The following STIM2 variants were observed in gnomAD, a reference collection of about 807,000 sequenced individuals.
The protein encoded by STIM2 is stromal interaction molecule 2.
Under a neutral mutation model 85.8 loss-of-function variants are expected in STIM2, and 31 were observed. That is an observed-to-expected ratio of 0.36 (90% CI 0.27 to 0.49). STIM2 has a LOEUF of 0.49. Ranked by LOEUF, STIM2 falls within the 20% of genes least tolerant of loss-of-function variation. The probability of loss-of-function intolerance (pLI) is 0.98; values close to 1 mark genes in which losing one functional copy is unlikely to be tolerated. For missense variants in STIM2, 841 were observed against 927.6 expected (o/e 0.91, Z 1.21); for synonymous variants, 356 against 331.1 (o/e 1.08, Z -0.82).
At chr4:26,870,284 GTTC>G in intron 1 of STIM2, among the ~76,000 whole-genome samples, 1 of 145,482 alleles carries the variant, frequency 6.9e-6, no homozygotes, top group East Asian at 2.0e-4. Context: ...GACCTTAAAA[GTTC>G]TTAACACACC....
intron 3 of STIM2, among the ~76,000 whole-genome samples, chr4:26,978,196 A>G (rs1727264010): frequency 6.6e-6 from 1 of 151,078 alleles, no homozygotes; most frequent in South Asian, 2.1e-4. Context: ...TAATGTTGTG[A>G]ATAATTTTTT....
chr4:26,979,278 T>C (rs186104654), intron 3 of STIM2, among the ~76,000 whole-genome samples: 2 of 152,168 alleles, frequency 1.3e-5, no homozygotes, highest in Non-Finnish European at 2.9e-5. Context: ...GAAAAGTGAA[T>C]TTGAGGCAGC....
At chr4:26,943,975 A>G (rs978039305) in intron 2 of STIM2, among the ~76,000 whole-genome samples, 3 of 152,298 alleles carry the variant, frequency 2.0e-5, no homozygotes, top group Non-Finnish European at 2.9e-5. Flanking sequence ...GTTTATAGAC[A>G]TATCCCTCTA....
intron 1 of STIM2, among the ~76,000 whole-genome samples, chr4:26,908,081 A>AG (rs1483612177): frequency 2.6e-5 from 4 of 152,136 alleles, no homozygotes; most frequent in African/African-American, 9.6e-5. Context: ...ATAATTGTTC[A>AG]AAAAAAATCC....
rs185517579 is a variant in STIM2 at position 26,898,283 on chromosome 4, G to A, written c.152-21221G>A. ...AACTGATAGTAAGATTTAGCAGCTT[G>A]GTTAGATTTGGTCTTAAGTTTTTAG... On this transcript the variant is annotated intron_variant, in intron 1 of 11. Coordinates refer to ENST00000467087, the MANE Select transcript of STIM2 (RefSeq NM_020860.4). Among the ~76,000 whole-genome samples the A allele has an allele frequency of 6.2e-3, 950 of 152,216 alleles. 4 individuals carry two copies. The highest frequency in any genetic ancestry group is 9.5e-3 in the Non-Finnish European group (648 of 67,996).
chr4:27,010,510 A>T (rs1252702423), intron 10 of STIM2, among the ~76,000 whole-genome samples: 1 of 152,206 alleles, frequency 6.6e-6, no homozygotes, highest in African/African-American at 2.4e-5. Context: ...CATGTCAAAG[A>T]TTACAATTTG....
chr4:26,872,680 T>C (rs1382825890), intron 1 of STIM2, among the ~76,000 whole-genome samples: 1 of 152,222 alleles, frequency 6.6e-6, no homozygotes, highest in East Asian at 1.9e-4. Flanking sequence ...GACACAAAGA[T>C]GAATGAGATT....
At chr4:26,902,232 A>G (rs1205520801) in intron 1 of STIM2, among the ~76,000 whole-genome samples, 1 of 152,174 alleles carries the variant, frequency 6.6e-6, no homozygotes, top group Non-Finnish European at 1.5e-5. Flanking sequence ...TTCTTAGGGA[A>G]GTGGTAGAGA....
intron 2 of STIM2, among the ~76,000 whole-genome samples, chr4:26,945,345 T>C (rs933258577): frequency 3.3e-5 from 5 of 152,228 alleles, no homozygotes; most frequent in Non-Finnish European, 5.9e-5. Context: ...CAGTCTGTCA[T>C]TGATGGGCGT....
chr4:26,979,823 A>G (rs1433164797), intron 3 of STIM2, among the ~76,000 whole-genome samples: 1 of 152,206 alleles, frequency 6.6e-6, no homozygotes, highest in Non-Finnish European at 1.5e-5. Flanking sequence ...TGGTAGTTTT[A>G]TAGTTTATTG....
chr4:26,875,227 T>C (rs183522813), intron 1 of STIM2, among the ~76,000 whole-genome samples: 30 of 152,332 alleles, frequency 2.0e-4, no homozygotes, highest in Non-Finnish European at 1.5e-5. Flanking sequence ...TTTTGTGTTA[T>C]TTTTGCCATA....
chr4:26,969,704 G>A (rs539813277), intron 3 of STIM2, among the ~76,000 whole-genome samples: 113 of 152,208 alleles, frequency 7.4e-4, no homozygotes, highest in South Asian at 7.1e-3. Flanking sequence ...TGTGTAAATT[G>A]GAAGCTTTTG....
At chr4:26,901,209 G>A (rs1553846541) in intron 1 of STIM2, among the ~76,000 whole-genome samples, 1 of 152,114 alleles carries the variant, frequency 6.6e-6, no homozygotes, top group Non-Finnish European at 1.5e-5. Context: ...TTTTCAGTAA[G>A]TTTTAAAAAT....
chr4:27,002,784 A>T, intron 6 of STIM2, 143 bp from the exon 7 acceptor site: 3 of 803,296 alleles, frequency 3.7e-6, no homozygotes, highest in African/African-American at 1.8e-5. Context: ...TATTTGTATT[A>T]ACCAAACTTA....
At chr4:26,979,214 CTG>C (rs1267200754) in intron 3 of STIM2, among the ~76,000 whole-genome samples, 1 of 152,058 alleles carries the variant, frequency 6.6e-6, no homozygotes, top group African/African-American at 2.4e-5. Context: ...CCAAACATGT[CTG>C]TATTGTTAAA....
intron 2 of STIM2, among the ~76,000 whole-genome samples, chr4:26,947,252 A>C (rs1456753826): frequency 6.6e-6 from 1 of 152,188 alleles, no homozygotes; most frequent in East Asian, 1.9e-4. Flanking sequence ...ATTAGAGAGA[A>C]CACTGACAGA....
chr4:26,914,372 CCT>C (rs1724455212), intron 1 of STIM2, among the ~76,000 whole-genome samples: 1 of 152,062 alleles, frequency 6.6e-6, no homozygotes, highest in Admixed American at 6.6e-5. Context: ...CTTGCCTATC[CCT>C]GTCTTCCTAG....
chr4:26,886,283 A>G (rs1723247940), intron 1 of STIM2, among the ~76,000 whole-genome samples: 1 of 152,190 alleles, frequency 6.6e-6, no homozygotes, highest in African/African-American at 2.4e-5. Context: ...TTATTTCAAT[A>G]TATACTCATT....
chr4:27,006,369 A>G (rs111324650), intron 7 of STIM2, among the ~76,000 whole-genome samples: 3 of 152,114 alleles, frequency 2.0e-5, no homozygotes, highest in Admixed American at 6.6e-5. Flanking sequence ...AGTTTATTCA[A>G]ATAAGTTGGG....
Sources: gnomAD v4.1 joint callset for allele counts (sites outside exome capture counted in the v4.1 genomes callset) on GRCh38, gnomAD v4.1.1 for gene constraint, MANE v1.5 for transcripts, NCBI Gene and HGNC (gene_info 2026-07-23, HGNC 2026-07-21) for gene names.